TNFAIP8: variants seen among roughly 807,000 people sequenced by gnomAD.
TNFAIP8 encodes the protein TNF alpha induced protein 8, also known as tumor necrosis factor alpha-induced protein 8.
Under a neutral mutation model 13.3 loss-of-function variants are expected in TNFAIP8, and 7 were observed. The observed-to-expected ratio is 0.52, with a 90% CI of 0.30 to 0.99. The LOEUF (loss-of-function observed/expected upper bound fraction) is 0.99, where lower values mean the gene tolerates loss of function less well. Among genes scored for constraint, TNFAIP8 ranks in the 50% least tolerant of loss-of-function variants. The probability of loss-of-function intolerance (pLI) is 0.07; values close to 1 mark genes in which losing one functional copy is unlikely to be tolerated. For synonymous variants in TNFAIP8, 94 were observed against 87.6 expected (o/e 1.07, Z -0.41); for missense variants, 258 against 236.9 (o/e 1.09, Z -0.58).
intron 1 of TNFAIP8, among the ~76,000 whole-genome samples, chr5:119,335,959 C>T (rs985244489): frequency 6.6e-6 from 1 of 151,936 alleles, no homozygotes; most frequent in Non-Finnish European, 1.5e-5. Context: ...ATATTAGACT[C>T]ACCTGAGAAG....
At chr5:119,373,108 G>A (rs1752149433) in intron 1 of TNFAIP8, among the ~76,000 whole-genome samples, 1 of 152,084 alleles carries the variant, frequency 6.6e-6, no homozygotes, top group Non-Finnish European at 1.5e-5. Context: ...CATTACAGAA[G>A]ACACTCAGTC....
intron 1 of TNFAIP8, among the ~76,000 whole-genome samples, chr5:119,337,383 T>C (rs1267204112): frequency 6.6e-6 from 1 of 152,216 alleles, no homozygotes; most frequent in Non-Finnish European, 1.5e-5. Flanking sequence ...ATTTGCTTCC[T>C]TTGGTATCAT....
chr5:119,282,803 C>T (rs1377522967), intron 1 of TNFAIP8, among the ~76,000 whole-genome samples: 2 of 152,188 alleles, frequency 1.3e-5, no homozygotes, highest in Non-Finnish European at 2.9e-5. Flanking sequence ...CTGCCCTTTC[C>T]TTTCTTGACT....
At chr5:119,378,800 G>A (rs1281980876) in intron 1 of TNFAIP8, among the ~76,000 whole-genome samples, 7 of 152,176 alleles carry the variant, frequency 4.6e-5, no homozygotes, top group African/African-American at 1.4e-4. Flanking sequence ...GTGGCTGGGC[G>A]CAGTGGTTCA....
chr5:119,321,234 T>G (rs1750045403), intron 1 of TNFAIP8, among the ~76,000 whole-genome samples: 1 of 152,154 alleles, frequency 6.6e-6, no homozygotes. Context: ...AGACTAGACT[T>G]GGATACCAAG....
intron 1 of TNFAIP8, among the ~76,000 whole-genome samples, chr5:119,281,898 A>G (rs1396403478): frequency 1.3e-5 from 2 of 152,238 alleles, no homozygotes; most frequent in African/African-American, 4.8e-5. Context: ...CTTTATAATT[A>G]AGGGTCACTG....
chr5:119,301,795 G>A (rs763842557), intron 1 of TNFAIP8, among the ~76,000 whole-genome samples: 4 of 152,162 alleles, frequency 2.6e-5, no homozygotes, highest in Admixed American at 1.3e-4. Context: ...GACCAGAAAC[G>A]CAGTCCTATT....
intron 1 of TNFAIP8, among the ~76,000 whole-genome samples, chr5:119,349,978 A>C (rs1751057074): frequency 6.6e-6 from 1 of 152,256 alleles, no homozygotes; most frequent in South Asian, 2.1e-4. Flanking sequence ...TTGTGGTCTA[A>C]AGAACATTAT....
chr5:119,342,502 T>G (rs1461116002), intron 1 of TNFAIP8, among the ~76,000 whole-genome samples: 25 of 152,106 alleles, frequency 1.6e-4, no homozygotes, highest in Non-Finnish European at 7.3e-5. Flanking sequence ...AAAGCTGTGC[T>G]AAATTTGCAG....
chr5:119,369,266 C>T (rs1390794759), intron 1 of TNFAIP8, among the ~76,000 whole-genome samples: 1 of 152,108 alleles, frequency 6.6e-6, no homozygotes, highest in Non-Finnish European at 1.5e-5. Flanking sequence ...GTTGGCCAGG[C>T]TGGTCTCGAA....
At chr5:119,372,406 T>C (rs1391775527) in intron 1 of TNFAIP8, among the ~76,000 whole-genome samples, 2 of 151,562 alleles carry the variant, frequency 1.3e-5, no homozygotes, top group Non-Finnish European at 2.9e-5. Context: ...ATAGAAATGA[T>C]GTTTTAGAGT....
intron 1 of TNFAIP8, among the ~76,000 whole-genome samples, chr5:119,361,598 A>G (rs1462576760): frequency 6.6e-6 from 1 of 152,238 alleles, no homozygotes; most frequent in African/African-American, 2.4e-5. Flanking sequence ...AGAATTCCCT[A>G]CGTGGCTCTG....
chr5:119,333,533 A>G, intron 1 of TNFAIP8: 2 of 1,534,562 alleles, frequency 1.3e-6, no homozygotes, highest in Non-Finnish European at 8.7e-7. Flanking sequence ...GTACACGTCA[A>G]CAGGGTGGTT....
At chr5:119,276,371 G>C (rs1253448684) in intron 1 of TNFAIP8, among the ~76,000 whole-genome samples, 1 of 152,092 alleles carries the variant, frequency 6.6e-6, no homozygotes, top group African/African-American at 2.4e-5. Flanking sequence ...ACCTGCCTTG[G>C]CCTCCCAAAG....
intron 1 of TNFAIP8, among the ~76,000 whole-genome samples, chr5:119,319,409 A>G (rs1749988852): frequency 6.6e-6 from 1 of 152,218 alleles, no homozygotes; most frequent in African/African-American, 2.4e-5. Context: ...ACCCTTTCCT[A>G]AAAACTTGAT....
intron 1 of TNFAIP8, among the ~76,000 whole-genome samples, chr5:119,376,890 C>G (rs1254320140): frequency 6.6e-6 from 1 of 152,162 alleles, no homozygotes; most frequent in Non-Finnish European, 1.5e-5. Flanking sequence ...CAAATGTCGC[C>G]TTTTCGGAAA....
chr5:119,327,737 G>A (rs367846601), intron 1 of TNFAIP8, among the ~76,000 whole-genome samples: 50 of 152,294 alleles, frequency 3.3e-4, no homozygotes, highest in African/African-American at 1.1e-3. Context: ...GGGATTACAC[G>A]TGTGAGCCAC....
chr5:119,392,876 G>T lies in TNFAIP8; in HGVS notation c.92G>T (p.Gly31Val). The change falls in exon 2 of 2, where the codon GGT becomes GTT. Residue 31 changes from glycine (G) to valine (V), a missense_variant. Transcript: ENST00000504771. ...GTTCAGGCACAAAAGAAGATCTTGG[G>T]TAAAATGGTGTCCAAATCCATCGCC... The part of the protein sequence containing the change: ...LAVQAQKKIL[G>V]KMVSKSIATT... 1 of 1,573,644 alleles carries T rather than the reference G, an allele frequency of 6.4e-7. No individual in the cohort carries two copies. The highest frequency in any genetic ancestry group is 8.6e-7 in the Non-Finnish European group (1 of 1,159,592).
At chr5:119,313,984 T>C (rs1749808150) in intron 1 of TNFAIP8, among the ~76,000 whole-genome samples, 1 of 152,226 alleles carries the variant, frequency 6.6e-6, no homozygotes, top group Non-Finnish European at 1.5e-5. Context: ...TTCCTTGCTA[T>C]AGACAGAGTA....
Sources: allele counts gnomAD v4.1 joint callset (sites outside exome capture counted in the v4.1 genomes callset), GRCh38; gene constraint gnomAD v4.1.1; transcripts MANE v1.5; gene names NCBI Gene and HGNC (gene_info 2026-07-23, HGNC 2026-07-21).